ENAH: variants seen among roughly 807,000 people sequenced by gnomAD.
ENAH encodes the protein protein enabled homolog.
A neutral mutation model predicts 78.7 loss-of-function variants in ENAH; 23 were observed. The ratio of observed to expected loss-of-function variants is 0.29; its 90% CI spans 0.21 to 0.41. ENAH has a LOEUF of 0.41. ENAH is among the 10% of genes least tolerant of loss of function. The probability of loss-of-function intolerance (pLI) is 1.00; values close to 1 mark genes in which losing one functional copy is unlikely to be tolerated. For missense variants in ENAH, 544 were observed against 691.0 expected (o/e 0.79, Z 2.39); for synonymous variants, 226 against 241.0 (o/e 0.94, Z 0.58).
In ENAH at chr1:225,643,460, AG is replaced by A. The variant is rs1322435335; in HGVS notation, c.5+9225del. ...TACTTCTAGGAATGTATCCTAAAACAGTATCAGATATGTACACAAAGACATA... is the reference window on the plus strand; with the variant it reads ...TACTTCTAGGAATGTATCCTAAAACATATCAGATATGTACACAAAGACATA... On this transcript the variant is annotated intron_variant, in intron 1 of 13. Transcript: ENST00000366843. 2.6e-5 allele frequency among the ~76,000 whole-genome samples: 4 copies of A among 152,360 alleles called. No homozygotes were observed. The South Asian group carries it at 6.2e-4, about 24-fold the overall frequency.
Position 225,638,934 on chromosome 1 carries a change from T to C in ENAH, c.5+13752A>G, listed in dbSNP as rs896486687. 9.8e-5 allele frequency among the ~76,000 whole-genome samples: 15 copies of C among 152,320 alleles called. No homozygotes were observed. In the East Asian group the frequency reaches 2.3e-3, roughly 23 times the overall value. On this transcript the variant is annotated intron_variant, in intron 1 of 13. Transcript: ENST00000366843. ...TTCTTAACACAAAAATATCCGCTAA[T>C]GAACTAAACATTTATAATATCAGTC... is the stretch of plus-strand genomic sequence containing the variant.
rs931016635 is a variant in ENAH, at chr1:225,492,850, A to G, written c.*4925T>C. On this transcript the variant is annotated 3_prime_UTR_variant, in exon 14 of 14. Transcript: ENST00000366843. ...TTACAACATCCTAAGTCATTATGAC[A>G]GTCATTTATCCTTTTACAATGTTTC... 2.8e-3 allele frequency: 2 copies of G among 710 alleles called. No individual in the cohort carries two copies. The highest frequency in any genetic ancestry group is 0.053 in the East Asian group (2 of 38). 0.0% of individuals were successfully genotyped at this position (710 alleles called of 1,614,324 possible). A position where few individuals can be genotyped will look rare whatever the true frequency, so the allele number is the denominator to read the frequency against.
At chr1:225,607,515 CAAAAA>C (rs534943449) in intron 1 of ENAH, among the ~76,000 whole-genome samples, 6 of 92,472 alleles carry the variant, frequency 6.5e-5, no homozygotes, top group Admixed American at 1.1e-4. Context: ...GGGTGGGGGG[CAAAAA>C]AAAAAAAAAA....
chr1:225,522,073 G>A lies in ENAH; in HGVS notation c.435-2508C>T, dbSNP rs541172148. Reference sequence around the variant, plus strand: ...GCCTCCCAAAGTGCTGGGATTACAGGTGTGAGCCACCGCGCCCGGCCCAAC... The same window carrying A: ...GCCTCCCAAAGTGCTGGGATTACAGATGTGAGCCACCGCGCCCGGCCCAAC... On this transcript the variant is annotated intron_variant, in intron 4 of 13. Transcript: ENST00000366843. 3.3e-5 allele frequency among the ~76,000 whole-genome samples: 5 copies of A among 152,292 alleles called. No individual in the cohort carries two copies. The South Asian group carries it at 1.0e-3, about 32-fold the overall frequency.
At chr1:225,512,051 C>G (rs1418669404) in intron 9 of ENAH, among the ~76,000 whole-genome samples, 192 bp from the exon 10 acceptor site, 1 of 152,218 alleles carries the variant, frequency 6.6e-6, no homozygotes, top group Non-Finnish European at 1.5e-5. Flanking sequence ...CAACCCTCCC[C>G]ACAGCTCCTT....
chr1:225,501,722 A>G (rs929906983), intron 11 of ENAH, among the ~76,000 whole-genome samples: 1 of 152,202 alleles, frequency 6.6e-6, no homozygotes, highest in African/African-American at 2.4e-5. Flanking sequence ...GGTGTGTTTC[A>G]GGCTAACTAC....
chr1:225,576,325 C>T (rs2096787961), intron 1 of ENAH, among the ~76,000 whole-genome samples: 1 of 150,578 alleles, frequency 6.6e-6, no homozygotes, highest in African/African-American at 2.4e-5. Flanking sequence ...CTGTCTGTGA[C>T]CAAATGTATT....
At chr1:225,560,122 A>G (rs900172850) in intron 2 of ENAH, among the ~76,000 whole-genome samples, 1 of 151,990 alleles carries the variant, frequency 6.6e-6, no homozygotes, top group Admixed American at 6.6e-5. Context: ...GGACTTCCTC[A>G]ATTTGGGATG....
chr1:225,510,660 A>T (rs2096369350), intron 10 of ENAH, among the ~76,000 whole-genome samples: 1 of 150,052 alleles, frequency 6.7e-6, no homozygotes, highest in African/African-American at 2.4e-5. Context: ...TGGTGAAAAG[A>T]TGGATTACAA....
chr1:225,500,318 G>C (rs2096274745), intron 12 of ENAH, among the ~76,000 whole-genome samples: 1 of 152,000 alleles, frequency 6.6e-6, no homozygotes, highest in African/African-American at 2.4e-5. Flanking sequence ...TAACTATAAG[G>C]CATATGAATC....
chr1:225,551,806 A>C (rs1002847382), intron 3 of ENAH, among the ~76,000 whole-genome samples: 19 of 152,330 alleles, frequency 1.2e-4, no homozygotes, highest in Non-Finnish European at 2.4e-4. Context: ...GGCAAGACTA[A>C]TATTTGTAGT....
chr1:225,566,965 C>T (rs2096737975), intron 2 of ENAH, among the ~76,000 whole-genome samples: 2 of 152,152 alleles, frequency 1.3e-5, no homozygotes, highest in African/African-American at 4.8e-5. Context: ...TTTGTTTGTC[C>T]TTAATTTGCT....
chr1:225,494,867 A>G lies in ENAH; in HGVS notation c.*2908T>C, dbSNP rs1032903691. 2 of 152,670 alleles carry G rather than the reference A, an allele frequency of 1.3e-5. No homozygotes were observed. The highest frequency in any genetic ancestry group is 1.3e-4 in the Admixed American group (2 of 15,294). 9.5% of individuals were successfully genotyped at this position (152,670 alleles called of 1,614,324 possible). ...CACAAACGAAGTTAGCGTGTAGGAA[A>G]CTTAAATGAAACAAATTTAAACGAA... On this transcript the variant is annotated 3_prime_UTR_variant, in exon 14 of 14. Coordinates refer to ENST00000366843, the MANE Select transcript of ENAH (RefSeq NM_018212.6).
chr1:225,634,971 C>T (rs570913388), intron 1 of ENAH, among the ~76,000 whole-genome samples: 31 of 152,260 alleles, frequency 2.0e-4, no homozygotes, highest in African/African-American at 6.7e-4. Flanking sequence ...ATAAGGATTA[C>T]GTTGTGTCTG....
intron 3 of ENAH, among the ~76,000 whole-genome samples, chr1:225,539,788 C>T (rs941135582): frequency 1.3e-5 from 2 of 152,202 alleles, no homozygotes; most frequent in Admixed American, 1.3e-4. Context: ...CTTTCTGAAA[C>T]ATGCATGTGC....
chr1:225,617,566 A>G (rs1558916729), intron 1 of ENAH, among the ~76,000 whole-genome samples: 1 of 151,530 alleles, frequency 6.6e-6, no homozygotes, highest in African/African-American at 2.4e-5. Context: ...TCTTAGCTGT[A>G]CAGTGCTAAG....
intron 1 of ENAH, among the ~76,000 whole-genome samples, chr1:225,590,314 A>G (rs1048147288): frequency 2.0e-5 from 3 of 152,082 alleles, no homozygotes; most frequent in African/African-American, 7.2e-5. Context: ...GTCTCAACTA[A>G]AAAATACAAA....
At chr1:225,632,263 C>T (rs1454133922) in intron 1 of ENAH, among the ~76,000 whole-genome samples, 3 of 152,166 alleles carry the variant, frequency 2.0e-5, no homozygotes, top group African/African-American at 7.2e-5. Flanking sequence ...CTTTGGGAGG[C>T]CAAAGCGGGC....
chr1:225,632,776 C>T (rs765441002), intron 1 of ENAH, among the ~76,000 whole-genome samples: 4 of 152,190 alleles, frequency 2.6e-5, no homozygotes, highest in African/African-American at 4.8e-5. Context: ...ATGGCGCAGA[C>T]GCCCCCCAGG....
Sources: allele counts gnomAD v4.1 joint callset (sites outside exome capture counted in the v4.1 genomes callset), GRCh38; gene constraint gnomAD v4.1.1; transcripts MANE v1.5; gene names NCBI Gene and HGNC (gene_info 2026-07-23, HGNC 2026-07-21).